Variants in PHKA2 observed in about 807,000 individuals in gnomAD.
PHKA2 encodes the protein phosphorylase kinase regulatory subunit alpha 2, also known as phosphorylase b kinase regulatory subunit alpha, liver isoform.
Under a neutral mutation model 102.0 loss-of-function variants are expected in PHKA2, and 31 were observed. That is an observed-to-expected ratio of 0.30 (90% confidence interval 0.23 to 0.41). PHKA2 has a LOEUF of 0.41. Among genes scored for constraint, PHKA2 ranks in the 10% least tolerant of loss-of-function variants. The probability of loss-of-function intolerance (pLI) is 1.00; values close to 1 mark genes in which losing one functional copy is unlikely to be tolerated. For synonymous variants in PHKA2, 455 were observed against 416.2 expected (o/e 1.09, Z -1.13); for missense variants, 858 against 1,023.1 (o/e 0.84, Z 2.20).
At chrX:18,919,114 C>T (rs187413345) in intron 18 of PHKA2, among the ~76,000 whole-genome samples, 7 of 111,801 alleles carry the variant, frequency 6.3e-5, no homozygotes, top group African/African-American at 1.6e-4. Flanking sequence ...GTTTACATCT[C>T]GTCCTCCCAA....
intron 30 of PHKA2, chrX:18,896,608 C>T (rs940235130): frequency 4.6e-5 from 7 of 151,636 alleles, no homozygotes; most frequent in Admixed American, 7.5e-5. Context: ...TCAGTCACAT[C>T]GCTGAACAGC....
chrX:18,894,628 C>A (rs1342586058), intron 31 of PHKA2: 3 of 447,628 alleles, frequency 6.7e-6, no homozygotes, highest in Non-Finnish European at 1.2e-5. Flanking sequence ...GATTTATCTA[C>A]CCTTCCCCCC....
At position 18,983,992 on chromosome X, in the gene PHKA2, C is replaced by T; in HGVS notation, c.-60G>A. On this transcript the variant is annotated 5_prime_UTR_variant, in exon 1 of 33. Transcript: ENST00000379942. ...GCCGCGTGGGCGCGGGACGTCGGGGCTGTGGCCTCCAAGCGGGTCTGGTTC... is the reference window on the plus strand; with the variant it reads ...GCCGCGTGGGCGCGGGACGTCGGGGTTGTGGCCTCCAAGCGGGTCTGGTTC... The T allele has an allele frequency of 2.0e-6, 2 of 984,175 alleles. No homozygotes were observed. Among genetic ancestry groups the T allele is most frequent in the Non-Finnish European group, 2.9e-6 (2 of 689,207 alleles). The allele number at this position is 984,175 out of a possible 1,213,427, so 81.1% of individuals were successfully genotyped here.
intron 10 of PHKA2, among the ~76,000 whole-genome samples, 171 bp from the exon 11 acceptor site, chrX:18,936,321 TG>T (rs2048393666): frequency 9.0e-6 from 1 of 111,665 alleles, no homozygotes; most frequent in Non-Finnish European, 1.9e-5. Context: ...ACACTTACAG[TG>T]TTAGGAGGAG....
intron 26 of PHKA2, among the ~76,000 whole-genome samples, chrX:18,902,156 T>TC (rs1214211313): frequency 9.1e-6 from 1 of 109,723 alleles, no homozygotes; most frequent in Non-Finnish European, 1.9e-5. Flanking sequence ...TTTTTATTTT[T>TC]TTTGAGACAG....
At chrX:18,939,782 C>T (rs901573338) in intron 9 of PHKA2, among the ~76,000 whole-genome samples, 2 of 112,114 alleles carry the variant, frequency 1.8e-5, no homozygotes, top group Admixed American at 9.4e-5. Flanking sequence ...CGTGAGCCAC[C>T]GCGCCTGGCC....
chrX:18,908,794 C>T lies in PHKA2; in HGVS notation c.2360+7G>A, dbSNP rs755724585. 5.9e-6 allele frequency: 7 copies of T among 1,193,450 alleles called. No individual in the cohort carries two copies. The East Asian group carries it at 2.1e-4, about 35-fold the overall frequency. ...TTATAACTGCCCGAATGGACTCAGA[C>T]ACTTACTTTATGACATAAAGAATGT... is the stretch of plus-strand genomic sequence containing the variant. On this transcript the variant is annotated splice_region_variant and intron_variant, in intron 21 of 32. Transcript: ENST00000379942.
intron 27 of PHKA2, among the ~76,000 whole-genome samples, chrX:18,901,007 ATTTTTTTTT>A (rs747588302): frequency 1.1e-5 from 1 of 90,936 alleles, no homozygotes; most frequent in Non-Finnish European, 2.2e-5. Context: ...GTTCAAAAGG[ATTTTTTTTT>A]TTTTTTTTTT....
intron 3 of PHKA2, 94 bp from the exon 4 acceptor site, chrX:18,951,366 T>C (rs1170713107): frequency 6.4e-5 from 56 of 875,207 alleles, no homozygotes; most frequent in Non-Finnish European, 3.9e-5. Context: ...CTAGAGCTCT[T>C]ATCTGCTACT....
intron 1 of PHKA2, among the ~76,000 whole-genome samples, chrX:18,980,297 C>T (rs1312247602): frequency 8.9e-6 from 1 of 112,605 alleles, no homozygotes; most frequent in East Asian, 2.8e-4. Context: ...GCCCAACACC[C>T]GTGAAGGGTC....
rs768290688 is a variant in PHKA2, at chrX:18,900,218, G to T, written c.3057+452C>A. ...GAAATGCGACTCCAGTGTCCCAGAG[G>T]GGGGTGGAGAACATATGTCACCAGG... On this transcript the variant is annotated intron_variant, in intron 28 of 32. Coordinates refer to ENST00000379942, the MANE Select transcript of PHKA2 (RefSeq NM_000292.3). Among the ~76,000 whole-genome samples the T allele has an allele frequency of 4.5e-5, 5 of 111,455 alleles. No homozygotes were observed. In the East Asian group the frequency reaches 1.1e-3, roughly 25 times the overall value.
intron 19 of PHKA2, among the ~76,000 whole-genome samples, chrX:18,917,125 T>C (rs1209991219): frequency 1.8e-5 from 2 of 110,935 alleles, no homozygotes; most frequent in Non-Finnish European, 3.8e-5. Flanking sequence ...TCTTCCTGCC[T>C]CAGTTTCCCA....
chrX:18,901,653 A>G lies in PHKA2; in HGVS notation c.2909-50T>C, dbSNP rs1275184862. The G allele has an allele frequency of 5.8e-6, 5 of 863,827 alleles. No homozygotes were observed. In the Admixed American group the frequency reaches 1.1e-4, roughly 19 times the overall value. 71.2% of individuals were successfully genotyped at this position (863,827 alleles called of 1,213,427 possible). On this transcript the variant is annotated intron_variant, in intron 26 of 32. Coordinates refer to ENST00000379942, the MANE Select transcript of PHKA2 (RefSeq NM_000292.3). The stretch of plus-strand genomic sequence containing the variant: ...GTTCTCAGGAACTCTACAGCATCCA[A>G]CCCGAGGCAGGATCTGCCCCTGTCT...
At chrX:18,903,892 C>A (rs1308395176) in intron 26 of PHKA2, among the ~76,000 whole-genome samples, 1 of 112,024 alleles carries the variant, frequency 8.9e-6, no homozygotes, top group Non-Finnish European at 1.9e-5. Context: ...GGACAAAGGC[C>A]AAACAGTCCT....
At chrX:18,898,481 T>C (rs1007238556) in intron 29 of PHKA2, among the ~76,000 whole-genome samples, 3 of 113,126 alleles carry the variant, frequency 2.7e-5, no homozygotes, top group African/African-American at 9.6e-5. Flanking sequence ...TGTTTCTCGA[T>C]AGTGCCACAC....
chrX:18,919,001 C>T, intron 18 of PHKA2, 147 bp from the exon 19 acceptor site: 1 of 526,467 alleles, frequency 1.9e-6, no homozygotes, highest in South Asian at 2.5e-5. Context: ...CCCACTCACC[C>T]CTGAAGAGTA....
intron 1 of PHKA2, among the ~76,000 whole-genome samples, chrX:18,969,642 C>T: frequency 9.0e-6 from 1 of 110,880 alleles, no homozygotes; most frequent in South Asian, 3.8e-4. Flanking sequence ...AATGTCAACA[C>T]AGTGAAAAAA....
intron 16 of PHKA2, 51 bp downstream of exon 16, chrX:18,924,329 GC>G: frequency 1.7e-6 from 2 of 1,186,881 alleles, no homozygotes; most frequent in Non-Finnish European, 2.3e-6. Flanking sequence ...ATTTGTAAGA[GC>G]CCAAACCACC....
chrX:18,912,824 T>A (rs756503863), intron 19 of PHKA2, among the ~76,000 whole-genome samples: 2 of 110,900 alleles, frequency 1.8e-5, no homozygotes, highest in East Asian at 5.7e-4. Context: ...GGCGGGAGAA[T>A]CGCTTGAACC....
Sources: gnomAD v4.1 joint callset for allele counts (sites outside exome capture counted in the v4.1 genomes callset) on GRCh38, gnomAD v4.1.1 for gene constraint, MANE v1.5 for transcripts, NCBI Gene and HGNC (gene_info 2026-07-23, HGNC 2026-07-21) for gene names.